Variants in HERC4 observed in about 807,000 individuals in gnomAD.
HERC4 encodes the protein probable E3 ubiquitin-protein ligase HERC4.
Under a neutral mutation model 124.3 loss-of-function variants are expected in HERC4, and 28 were observed. That is an observed-to-expected ratio of 0.23 (90% CI 0.17 to 0.31). The LOEUF is 0.31. Ranked by LOEUF, HERC4 falls within the 10% of genes least tolerant of loss-of-function variation. The probability of loss-of-function intolerance (pLI) is 1.00; values close to 1 mark genes in which losing one functional copy is unlikely to be tolerated. For missense variants in HERC4, 713 were observed against 1,229.3 expected (o/e 0.58, Z 6.28); for synonymous variants, 407 against 421.5 (o/e 0.97, Z 0.42).
intron 8 of HERC4, among the ~76,000 whole-genome samples, chr10:68,016,954 T>C (rs1050589055): frequency 6.6e-6 from 1 of 152,160 alleles, no homozygotes; most frequent in African/African-American, 2.4e-5. Flanking sequence ...AAAGGACTAA[T>C]AGAGTATGTC....
chr10:68,014,581 C>T (rs1359189563), intron 8 of HERC4, among the ~76,000 whole-genome samples: 1 of 152,130 alleles, frequency 6.6e-6, no homozygotes, highest in Admixed American at 6.5e-5. Flanking sequence ...TTGGGTATCA[C>T]CGAGAAGTTT....
intron 3 of HERC4, among the ~76,000 whole-genome samples, chr10:68,064,311 T>C (rs1246554568): frequency 3.3e-5 from 5 of 151,706 alleles, no homozygotes; most frequent in African/African-American, 1.2e-4. Flanking sequence ...CCCAGCAATT[T>C]GGGATGTCGT....
chr10:67,959,260 G>T, intron 16 of HERC4: 1 of 714,712 alleles, frequency 1.4e-6, no homozygotes. Context: ...GAAGTAATGA[G>T]GTAGAAAATA....
chr10:68,014,130 C>A lies in HERC4; in HGVS notation c.965G>T (p.Gly322Val). Residue 322 changes from glycine to valine, a missense_variant, in exon 9 of 25, where the codon GGT (glycine) becomes GTT (valine). Transcript: ENST00000373700. ...ACCGGTTCCCAGCTGCCCATTACCA[C>A]CAAGCCCAAAAGAGTAAATTCGTCC... ...SSGRIYSFGL[G>V]GNGQLGTGST... is the part of the protein sequence containing the mutation. 6.2e-7 allele frequency: 1 copy of A among 1,613,750 alleles called. No individual in the cohort carries two copies.
chr10:67,971,154 A>G (rs1018231675), intron 15 of HERC4, among the ~76,000 whole-genome samples: 81 of 152,194 alleles, frequency 5.3e-4, no homozygotes, highest in African/African-American at 1.7e-3. Flanking sequence ...GAAATTTAAA[A>G]TTTTCCCAAA....
rs533269678 is a variant in HERC4, at chr10:67,975,063, C to T, written c.1807-8261G>A. The stretch of plus-strand genomic sequence containing the variant: ...AATTAGCCAGGCATGGTGGCGCACG[C>T]CTGTAGTCCCAGCTACTTGGGAGGC... On this transcript the variant is annotated intron_variant, in intron 15 of 24. Transcript: ENST00000373700. 3.9e-5 allele frequency among the ~76,000 whole-genome samples: 6 copies of T among 152,214 alleles called. No individual in the cohort carries two copies. The South Asian group carries it at 6.2e-4, about 16-fold the overall frequency.
At position 67,922,036 on chromosome 10, in the gene HERC4, C is replaced by A. The variant is rs2131910068; in HGVS notation, c.*895G>T. 1 of 152,264 alleles carries A rather than the reference C, an allele frequency of 6.6e-6. No homozygotes were observed. Among genetic ancestry groups the A allele is most frequent in the African/African-American group, 2.4e-5 (1 of 41,560 alleles). The allele number at this position is 152,264 out of a possible 1,614,324, so 9.4% of individuals were successfully genotyped here. A position where few individuals can be genotyped will look rare whatever the true frequency, so the allele number is the denominator to read the frequency against. On this transcript the variant is annotated 3_prime_UTR_variant, in exon 25 of 25. Transcript: ENST00000373700. The stretch of plus-strand genomic sequence containing the variant: ...TCAACTCACTTTTACAATTTAATGG[C>A]ATGAGACAACTAAGCATCAGCACCA...
intron 15 of HERC4, among the ~76,000 whole-genome samples, chr10:67,977,929 C>T (rs950232354): frequency 1.1e-4 from 17 of 151,662 alleles, no homozygotes; most frequent in African/African-American, 3.9e-4. Context: ...TATAGTGAGC[C>T]GAGATTGTGC....
intron 16 of HERC4, 74 bp downstream of exon 16, chr10:67,966,609 A>G (rs1266003468): frequency 1.1e-5 from 16 of 1,445,836 alleles, no homozygotes; most frequent in Non-Finnish European, 1.4e-5. Flanking sequence ...TCATTTCAAA[A>G]CCAAGCAATT....
chr10:68,039,634 A>T, intron 4 of HERC4: 1 of 1,373,362 alleles, frequency 7.3e-7, no homozygotes, highest in African/African-American at 1.4e-5. Flanking sequence ...GAATCCAACA[A>T]ATTAGCAGGA....
intron 19 of HERC4, among the ~76,000 whole-genome samples, chr10:67,946,388 CACACACACAA>C (rs1287500423): frequency 2.8e-5 from 4 of 140,926 alleles, no homozygotes; most frequent in Non-Finnish European, 3.1e-5. Flanking sequence ...CACACACACA[CACACACACAA>C]GACCCAATGA....
At chr10:68,060,885 A>G (rs774482278) in intron 3 of HERC4, among the ~76,000 whole-genome samples, 6 of 152,124 alleles carry the variant, frequency 3.9e-5, no homozygotes, top group Non-Finnish European at 7.4e-5. Context: ...GTGGGAAGCA[A>G]TTTAAGATCT....
At chr10:68,030,407 C>CTCCA (rs1202296056) in intron 7 of HERC4, among the ~76,000 whole-genome samples, 1 of 152,164 alleles carries the variant, frequency 6.6e-6, no homozygotes, top group Non-Finnish European at 1.5e-5. Flanking sequence ...CACCACTGTA[C>CTCCA]TCCAGCCTGG....
At chr10:68,035,690 G>C (rs1210186482) in intron 5 of HERC4, among the ~76,000 whole-genome samples, 1 of 152,076 alleles carries the variant, frequency 6.6e-6, no homozygotes, top group South Asian at 2.1e-4. Flanking sequence ...TCTCATATCA[G>C]TCACTCACTA....
At chr10:67,964,091 A>AT (rs11327388) in intron 16 of HERC4, among the ~76,000 whole-genome samples, 17,065 of 129,194 alleles carry the variant, frequency 0.13, 1,332 homozygotes, top group East Asian at 0.17. Flanking sequence ...CTACCACTCC[A>AT]TTTTTTTTTT....
intron 3 of HERC4, among the ~76,000 whole-genome samples, chr10:68,055,220 GAAAC>G (rs1399489113): frequency 3.3e-5 from 5 of 152,168 alleles, no homozygotes; most frequent in African/African-American, 1.2e-4. Flanking sequence ...CAGAATTAAA[GAAAC>G]AAACAAAACT....
intron 3 of HERC4, among the ~76,000 whole-genome samples, chr10:68,055,710 C>G (rs1231353628): frequency 1.3e-5 from 2 of 150,892 alleles, no homozygotes; most frequent in East Asian, 3.9e-4. Context: ...CAATAATTTA[C>G]TTCCAAAATA....
Position 67,937,926 on chromosome 10 carries a change from C to T in HERC4, c.2571+1662G>A, listed in dbSNP as rs536189134. 2.8e-3 allele frequency among the ~76,000 whole-genome samples: 418 copies of T among 151,898 alleles called. 1 individual carries two copies. Among genetic ancestry groups the T allele is most frequent in the African/African-American group, 9.7e-3 (403 of 41,474 alleles). ...CTAACTCCTGACCTCCAGTGATCTG[C>T]CCGCCTTGGGCTCCAAAAGTGCTGG... On this transcript the variant is annotated intron_variant, in intron 21 of 24. Coordinates refer to ENST00000373700, the MANE Select transcript of HERC4 (RefSeq NM_015601.4).
chr10:67,996,529 T>C (rs1353457361), intron 9 of HERC4, among the ~76,000 whole-genome samples: 1 of 152,186 alleles, frequency 6.6e-6, no homozygotes, highest in Admixed American at 6.5e-5. Flanking sequence ...TTAGCACTTA[T>C]TCAGGACTCC....
Sources: allele counts gnomAD v4.1 joint callset (sites outside exome capture counted in the v4.1 genomes callset), GRCh38; gene constraint gnomAD v4.1.1; transcripts MANE v1.5; gene names NCBI Gene and HGNC (gene_info 2026-07-23, HGNC 2026-07-21).